The following SLC17A1 variants were observed in gnomAD, a reference collection of about 807,000 sequenced individuals.
The protein encoded by SLC17A1 is solute carrier family 17 member 1.
SLC17A1 carries 51 observed loss-of-function variants against 53.5 expected under a neutral mutation model. The observed-to-expected ratio is 0.95, with a 90% CI of 0.76 to 1.20. SLC17A1 has a LOEUF of 1.20. SLC17A1 is among the 50% of genes most tolerant of loss of function. The probability of loss-of-function intolerance (pLI) is 0.00; values close to 1 mark genes in which losing one functional copy is unlikely to be tolerated. For missense variants in SLC17A1, 538 were observed against 568.2 expected (o/e 0.95, Z 0.54); for synonymous variants, 179 against 198.8 (o/e 0.90, Z 0.84).
the SLC17A1 span, among the ~76,000 whole-genome samples, chr6:25,743,433 A>T: frequency 3.3e-5 from 5 of 152,302 alleles, no homozygotes; most frequent in Middle Eastern, 0.01. Context: ...CTTAAAAAAA[A>T]CTTTCTAGGT....
At chr6:25,765,898 A>G in the SLC17A1 span, among the ~76,000 whole-genome samples, 1 of 152,078 alleles carries the variant, frequency 6.6e-6, no homozygotes, top group Admixed American at 6.5e-5. Context: ...GTTCTTTGAT[A>G]AAAATGATGC....
At chr6:25,786,084 G>T (rs1763376817) in intron 12 of SLC17A1, among the ~76,000 whole-genome samples, 1 of 152,220 alleles carries the variant, frequency 6.6e-6, no homozygotes, top group East Asian at 1.9e-4. Context: ...ATGCTCCTCA[G>T]TGGATTAATG....
At chr6:25,771,008 C>T in the SLC17A1 span, 1 of 1,613,060 alleles carries the variant, frequency 6.2e-7, no homozygotes, top group Non-Finnish European at 8.5e-7. Flanking sequence ...TCTTCTATAT[C>T]TTTGGTGAGT....
chr6:25,812,883 G>T lies in SLC17A1; in HGVS notation c.845C>A (p.Thr282Lys). ...GTTGATAAACATTGGAGTGTATAGT[G>T]TCATGATGTTATGTGACCAGAAAAA... is the stretch of plus-strand genomic sequence containing the variant. ...FTFFWSHNIM[T>K]LYTPMFINSM... The change falls in exon 8 of 13, where the codon ACA (threonine) becomes AAA (lysine). Residue 282 changes from threonine to lysine, a missense_variant. Transcript: ENST00000244527. The T allele has an allele frequency of 6.2e-7, 1 of 1,612,918 alleles. No homozygotes were observed. Among genetic ancestry groups the T allele is most frequent in the African/African-American group, 1.3e-5 (1 of 75,000 alleles).
the SLC17A1 span, chr6:25,726,425 G>A: frequency 1.1e-5 from 18 of 1,613,966 alleles, no homozygotes; most frequent in East Asian, 8.9e-5. Context: ...CCCTTACGAA[G>A]CAGACGATGG....
chr6:25,761,981 G>A, the SLC17A1 span: 1 of 1,613,390 alleles, frequency 6.2e-7, no homozygotes, highest in Non-Finnish European at 8.5e-7. Flanking sequence ...CGGACCAGAT[G>A]TCAAGGCTAC....
At chr6:25,773,310 C>T in the SLC17A1 span, 1 of 1,613,826 alleles carries the variant, frequency 6.2e-7, no homozygotes, top group African/African-American at 1.3e-5. Context: ...TCTCTGGTTT[C>T]CTCTCATTTA....
the SLC17A1 span, among the ~76,000 whole-genome samples, chr6:25,758,787 A>C: frequency 1.3e-5 from 2 of 151,688 alleles, no homozygotes; most frequent in Non-Finnish European, 2.9e-5. Context: ...TGTTTGTTTC[A>C]ATTTCCACTT....
chr6:25,729,848 C>T, the SLC17A1 span, among the ~76,000 whole-genome samples: 5 of 151,818 alleles, frequency 3.3e-5, no homozygotes, highest in Admixed American at 3.3e-4. Context: ...GTTGAGCATC[C>T]GTAATCCAAA....
the SLC17A1 span, chr6:25,726,605 G>T: frequency 6.7e-7 from 1 of 1,503,680 alleles, no homozygotes; most frequent in Non-Finnish European, 9.0e-7. Context: ...TCTGACTGAG[G>T]TTGGCATTTG....
At chr6:25,789,931 GTT>G (rs1327269077) in intron 12 of SLC17A1, among the ~76,000 whole-genome samples, 1 of 152,160 alleles carries the variant, frequency 6.6e-6, no homozygotes, top group Admixed American at 6.5e-5. Flanking sequence ...TTGTTTTGTG[GTT>G]AAGTAGAAAA....
In SLC17A1 at chr6:25,820,656, G is replaced by A. The variant is rs554203085; in HGVS notation, c.208-741C>T. Among the ~76,000 whole-genome samples, 46 of 152,108 alleles carry A rather than the reference G, an allele frequency of 3.0e-4. No homozygotes were observed. The East Asian group carries it at 8.3e-3, about 28-fold the overall frequency. ...AGCACTTTGGGAGGACGAGGCGGGC[G>A]GATCACGAGGTCAGGAGATCGAGAC... On this transcript the variant is annotated intron_variant, in intron 3 of 12. Transcript: ENST00000244527.
chr6:25,820,021 T>A, intron 3 of SLC17A1, 106 bp from the exon 4 acceptor site: 1 of 689,194 alleles, frequency 1.5e-6, no homozygotes, highest in Non-Finnish European at 2.5e-6. Flanking sequence ...GGAAAGTAGC[T>A]CCCCTCTTAC....
chr6:25,802,491 T>G (rs1381422530), intron 10 of SLC17A1, among the ~76,000 whole-genome samples: 1 of 152,214 alleles, frequency 6.6e-6, no homozygotes, highest in Non-Finnish European at 1.5e-5. Flanking sequence ...CTGTGATTAT[T>G]TATCTGTAAT....
the SLC17A1 span, among the ~76,000 whole-genome samples, chr6:25,733,911 T>A: frequency 6.6e-6 from 1 of 151,694 alleles, no homozygotes; most frequent in African/African-American, 2.4e-5. Flanking sequence ...ACCTCCTGGG[T>A]TCCAGTGATT....
chr6:25,749,807 A>T, the SLC17A1 span, among the ~76,000 whole-genome samples: 2 of 152,140 alleles, frequency 1.3e-5, no homozygotes, highest in African/African-American at 2.4e-5. Flanking sequence ...AATTCAATTT[A>T]ATTAGAAATA....
chr6:25,753,680 G>A, the SLC17A1 span, among the ~76,000 whole-genome samples: 54 of 152,240 alleles, frequency 3.5e-4, no homozygotes, highest in South Asian at 3.5e-3. Context: ...CAGGGAAATG[G>A]TAATGCCATT....
At chr6:25,826,735 A>G (rs1173275649) in intron 2 of SLC17A1, 102 bp from the exon 3 acceptor site, 12 of 719,042 alleles carry the variant, frequency 1.7e-5, no homozygotes, top group Non-Finnish European at 2.0e-5. Flanking sequence ...CTAGATATTA[A>G]TTTAAAATTT....
At chr6:25,727,271 T>G in the SLC17A1 span, 5 of 1,607,030 alleles carry the variant, frequency 3.1e-6, 1 homozygote, top group South Asian at 5.5e-5. Context: ...AGGCTGTCAC[T>G]AAGTACACCA....
Sources: allele counts gnomAD v4.1 joint callset (sites outside exome capture counted in the v4.1 genomes callset), GRCh38; gene constraint gnomAD v4.1.1; transcripts MANE v1.5; gene names NCBI Gene and HGNC (gene_info 2026-07-23, HGNC 2026-07-21).